The following UQCC1 variants were observed in gnomAD, a reference collection of about 807,000 sequenced individuals.
UQCC1 encodes ubiquinol-cytochrome c reductase complex assembly factor 1.
A neutral mutation model predicts 48.0 loss-of-function variants in UQCC1; 38 were observed. The observed-to-expected ratio is 0.79, with a 90% CI of 0.61 to 1.04. UQCC1 has a LOEUF of 1.04. Among genes scored for constraint, UQCC1 ranks in the 50% least tolerant of loss-of-function variants. The probability of loss-of-function intolerance (pLI) is 0.00; values close to 1 mark genes in which losing one functional copy is unlikely to be tolerated. For synonymous variants in UQCC1, 111 were observed against 129.2 expected, an observed-to-expected ratio of 0.86 and a Z score of 0.95; for missense variants, 368 against 381.8, an observed-to-expected ratio of 0.96 and a Z score of 0.30.
intron 2 of UQCC1, among the ~76,000 whole-genome samples, chr20:35,386,604 A>G (rs1234910678): frequency 6.6e-6 from 1 of 152,140 alleles, no homozygotes; most frequent in East Asian, 1.9e-4. Flanking sequence ...GGTCCACCTA[A>G]AACACAAAGC....
At chr20:35,357,876 A>C (rs1471562685) in intron 6 of UQCC1, among the ~76,000 whole-genome samples, 1 of 152,098 alleles carries the variant, frequency 6.6e-6, no homozygotes, top group Non-Finnish European at 1.5e-5. Flanking sequence ...AACTCACATC[A>C]TGGGTGTATA....
intron 6 of UQCC1, among the ~76,000 whole-genome samples, chr20:35,364,776 T>C (rs1468617374): frequency 3.3e-5 from 5 of 152,252 alleles, no homozygotes; most frequent in African/African-American, 1.2e-4. Context: ...GGTTCTCCCA[T>C]CTGCTGTTAG....
rs1568714625 is a variant in UQCC1, at chr20:35,402,603, ACAAACAAACAAAAT to A, written c.25-8421_25-8408del. ...AAAAAACAAACAAACAAACAAACAAACAAACAAACAAAATATATATATATATATAATATATATAA... is the reference window on the plus strand; with the variant it reads ...AAAAAACAAACAAACAAACAAACAAAATATATATATATATAATATATATAA... On this transcript the variant is annotated intron_variant, in intron 1 of 9. Transcript: ENST00000374385. Among the ~76,000 whole-genome samples, 966 of 145,718 alleles carry A rather than the reference ACAAACAAACAAAAT, an allele frequency of 6.6e-3. 13 individuals carry two copies. Among genetic ancestry groups the A allele is most frequent in the African/African-American group, 0.024 (922 of 38,190 alleles).
chr20:35,399,855 TC>T (rs1249636389), intron 1 of UQCC1, among the ~76,000 whole-genome samples: 1 of 50,950 alleles, frequency 2.0e-5, no homozygotes, highest in African/African-American at 6.0e-5. Context: ...AAGACTCCAC[TC>T]AAAAAAAAAA....
At chr20:35,328,582 T>C (rs2061222873) in intron 7 of UQCC1, among the ~76,000 whole-genome samples, 1 of 151,516 alleles carries the variant, frequency 6.6e-6, no homozygotes, top group Non-Finnish European at 1.5e-5. Context: ...CAAGGTCACA[T>C]GGCTAGGGCA....
At chr20:35,386,699 A>G (rs1172591157) in intron 2 of UQCC1, among the ~76,000 whole-genome samples, 2 of 152,156 alleles carry the variant, frequency 1.3e-5, no homozygotes, top group Non-Finnish European at 2.9e-5. Flanking sequence ...AGGTTCTATT[A>G]GATCCTTCTT....
At chr20:35,382,879 C>T (rs1007689279) in intron 3 of UQCC1, among the ~76,000 whole-genome samples, 5 of 152,030 alleles carry the variant, frequency 3.3e-5, no homozygotes, top group African/African-American at 1.2e-4. Flanking sequence ...AATAGATGCC[C>T]TCCAAATTTC....
At chr20:35,309,733 G>A (rs949747219) in intron 8 of UQCC1, among the ~76,000 whole-genome samples, 1 of 152,186 alleles carries the variant, frequency 6.6e-6, no homozygotes, top group Non-Finnish European at 1.5e-5. Context: ...GATTGTTTCA[G>A]CTTTGGAGGG....
At chr20:35,332,152 T>C (rs546142850) in intron 7 of UQCC1, among the ~76,000 whole-genome samples, 3 of 152,312 alleles carry the variant, frequency 2.0e-5, no homozygotes, top group African/African-American at 7.2e-5. Flanking sequence ...TGCCACACTT[T>C]AGAGGCGAAC....
intron 6 of UQCC1, among the ~76,000 whole-genome samples, chr20:35,365,590 G>A (rs1333496486): frequency 1.3e-5 from 2 of 150,360 alleles, no homozygotes; most frequent in African/African-American, 4.9e-5. Context: ...CTGGGAGACG[G>A]AGGTTGTAGT....
At chr20:35,411,888 A>T (rs1420550343) in intron 1 of UQCC1, 52 bp downstream of exon 1, 1 of 1,612,876 alleles carries the variant, frequency 6.2e-7, no homozygotes, top group Non-Finnish European at 8.5e-7. Flanking sequence ...GCCTTGTCGA[A>T]CTCCAACCCG....
At chr20:35,380,279 T>C (rs1158816511) in intron 4 of UQCC1, among the ~76,000 whole-genome samples, 4 of 152,180 alleles carry the variant, frequency 2.6e-5, no homozygotes, top group Non-Finnish European at 5.9e-5. Context: ...AAAATTAAGA[T>C]ATTAAAAAAT....
intron 8 of UQCC1, among the ~76,000 whole-genome samples, chr20:35,308,855 C>A (rs181451475): frequency 7.1e-4 from 108 of 152,280 alleles, no homozygotes; most frequent in Non-Finnish European, 1.2e-3. Flanking sequence ...GCTGGGACTA[C>A]GGGCATGTGC....
intron 7 of UQCC1, among the ~76,000 whole-genome samples, chr20:35,315,988 G>C (rs1346511514): frequency 6.6e-6 from 1 of 152,186 alleles, no homozygotes; most frequent in Non-Finnish European, 1.5e-5. Flanking sequence ...GCCTGGCCTG[G>C]AGGATCTTCA....
chr20:35,389,863 G>A (rs533097980), intron 2 of UQCC1, among the ~76,000 whole-genome samples: 32 of 152,284 alleles, frequency 2.1e-4, no homozygotes, highest in South Asian at 4.2e-4. Context: ...GGATCTCTAA[G>A]ATATTTGTAC....
chr20:35,374,321 A>T, intron 4 of UQCC1, 65 bp from the exon 5 acceptor site: 1 of 1,231,320 alleles, frequency 8.1e-7, no homozygotes, highest in Non-Finnish European at 1.2e-6. Flanking sequence ...TCCATTAGAC[A>T]TGGGTCACAA....
At chr20:35,393,093 G>A (rs905622023) in intron 2 of UQCC1, among the ~76,000 whole-genome samples, 1 of 151,726 alleles carries the variant, frequency 6.6e-6, no homozygotes, top group African/African-American at 2.4e-5. Flanking sequence ...AACTCAACTT[G>A]AGAGAGGTAA....
intron 1 of UQCC1, among the ~76,000 whole-genome samples, chr20:35,401,269 C>A (rs1374600503): frequency 6.6e-6 from 1 of 152,204 alleles, no homozygotes; most frequent in Non-Finnish European, 1.5e-5. Context: ...ATTTACCTAA[C>A]AAACATATTT....
intron 2 of UQCC1, among the ~76,000 whole-genome samples, chr20:35,388,574 G>A (rs1056878723): frequency 5.3e-5 from 8 of 151,984 alleles, no homozygotes; most frequent in African/African-American, 1.7e-4. Flanking sequence ...CACTGTGCCC[G>A]GACTATTTTT....
Sources: allele counts gnomAD v4.1 joint callset (sites outside exome capture counted in the v4.1 genomes callset), GRCh38; gene constraint gnomAD v4.1.1; transcripts MANE v1.5; gene names NCBI Gene and HGNC (gene_info 2026-07-23, HGNC 2026-07-21).